Variants in IQCM observed in about 807,000 individuals in gnomAD.
IQCM encodes the protein IQ motif containing M.
IQCM carries 45 observed loss-of-function variants against 57.6 expected under a neutral mutation model. The ratio of observed to expected loss-of-function variants is 0.78; its 90% CI spans 0.62 to 1.00. The LOEUF (loss-of-function observed/expected upper bound fraction) is 1.00. IQCM is among the 50% of genes least tolerant of loss of function. The probability of loss-of-function intolerance (pLI) is 0.00; values close to 1 mark genes in which losing one functional copy is unlikely to be tolerated. For synonymous variants in IQCM, 148 were observed against 158.9 expected, an observed-to-expected ratio of 0.93 and a Z score of 0.51; for missense variants, 468 against 511.6, an observed-to-expected ratio of 0.91 and a Z score of 0.82.
At chr4:149,779,227 T>C (rs1239270529) in intron 2 of IQCM, among the ~76,000 whole-genome samples, 1 of 152,166 alleles carries the variant, frequency 6.6e-6, no homozygotes, top group Non-Finnish European at 1.5e-5. Flanking sequence ...ACAATTCCTA[T>C]ACAAATCCTA....
chr4:149,661,717 A>G (rs1387424583), intron 7 of IQCM, among the ~76,000 whole-genome samples: 2 of 152,036 alleles, frequency 1.3e-5, no homozygotes, highest in Non-Finnish European at 2.9e-5. Context: ...TGTTTCTTCT[A>G]TATTATCAAA....
intron 2 of IQCM, among the ~76,000 whole-genome samples, chr4:149,798,628 G>A (rs1164090482): frequency 6.6e-6 from 1 of 151,896 alleles, no homozygotes; most frequent in Non-Finnish European, 1.5e-5. Flanking sequence ...AACACACATA[G>A]ACTGAAAATA....
intron 13 of IQCM, among the ~76,000 whole-genome samples, chr4:149,417,923 A>T (rs114629048): frequency 6.6e-6 from 1 of 151,704 alleles, no homozygotes; most frequent in African/African-American, 2.4e-5. Flanking sequence ...ATGAATGATA[A>T]TTATCACCTA....
At chr4:149,653,132 A>G (rs1218162324) in intron 7 of IQCM, among the ~76,000 whole-genome samples, 1 of 152,174 alleles carries the variant, frequency 6.6e-6, no homozygotes, top group Admixed American at 6.5e-5. Flanking sequence ...CAAAATTTTG[A>G]GAGGGAAAAG....
intron 2 of IQCM, among the ~76,000 whole-genome samples, chr4:149,773,582 C>T (rs13109074): frequency 0.35 from 52,532 of 151,968 alleles, 11,501 homozygotes; most frequent in Non-Finnish European, 0.5. Context: ...ATTTAATCCA[C>T]ATTTCTCACA....
intron 5 of IQCM, among the ~76,000 whole-genome samples, chr4:149,713,997 A>G (rs540623574): frequency 1.3e-5 from 2 of 152,184 alleles, no homozygotes; most frequent in South Asian, 4.2e-4. Context: ...GTTCTTCATA[A>G]CTATTTGCAA....
intron 13 of IQCM, among the ~76,000 whole-genome samples, chr4:149,357,701 A>G (rs1181188159): frequency 6.6e-6 from 1 of 152,124 alleles, no homozygotes; most frequent in Non-Finnish European, 1.5e-5. Context: ...TTGGTCTTGA[A>G]TTCTCTTTTA....
intron 5 of IQCM, among the ~76,000 whole-genome samples, chr4:149,726,142 A>AGAGAG (rs10666255): frequency 1.5e-5 from 2 of 131,058 alleles, no homozygotes; most frequent in Non-Finnish European, 3.1e-5. Context: ...AAAGAAAGAA[A>AGAGAG]AGAAAGAAAG....
intron 12 of IQCM, among the ~76,000 whole-genome samples, chr4:149,450,793 C>A (rs1397030206): frequency 6.6e-6 from 1 of 151,806 alleles, no homozygotes; most frequent in African/African-American, 2.4e-5. Context: ...CTATGGAGAA[C>A]AAAGTAGAAG....
intron 9 of IQCM, among the ~76,000 whole-genome samples, chr4:149,564,900 C>A (rs548894901): frequency 6.6e-6 from 1 of 152,094 alleles, no homozygotes; most frequent in Non-Finnish European, 1.5e-5. Context: ...TTTGAGAAAA[C>A]TGAAGATTTA....
intron 13 of IQCM, among the ~76,000 whole-genome samples, chr4:149,375,333 T>C (rs1250026470): frequency 6.6e-6 from 1 of 152,064 alleles, no homozygotes; most frequent in Non-Finnish European, 1.5e-5. Context: ...ATTTCTGCTC[T>C]TGTCGTCTTT....
chr4:149,627,301 A>C (rs1756899913), intron 7 of IQCM, among the ~76,000 whole-genome samples: 1 of 152,220 alleles, frequency 6.6e-6, no homozygotes, highest in African/African-American at 2.4e-5. Flanking sequence ...AATTAGGCAG[A>C]GAACCAGGCA....
chr4:149,491,569 T>C (rs1742100063), intron 12 of IQCM, among the ~76,000 whole-genome samples: 1 of 152,096 alleles, frequency 6.6e-6, no homozygotes, highest in African/African-American at 2.4e-5. Context: ...TTCATCTATG[T>C]TTTTTGCAAA....
rs963772969 is a variant in IQCM, at chr4:149,733,325, G to C, written c.304C>G (p.Pro102Ala). ...ELSKSEHLQE[P>A]PQRISFKEPH... is the part of the protein sequence containing the mutation. ...TCCTTGAAGGAGATTCGTTGTGGGG[G>C]TTCCTGAAGATGCTCGCTTTTGGAA... The change falls in exon 5 of 14, where the codon CCC becomes GCC. Residue 102 changes from proline (P) to alanine (A), a missense_variant. Transcript: ENST00000636793. 1 of 1,231,366 alleles carries C rather than the reference G, an allele frequency of 8.1e-7. No individual in the cohort carries two copies. The highest frequency in any genetic ancestry group is 1.6e-5 in the African/African-American group (1 of 64,072). 76.3% of individuals were successfully genotyped at this position (1,231,366 alleles called of 1,614,324 possible).
intron 5 of IQCM, among the ~76,000 whole-genome samples, chr4:149,710,007 G>A (rs1280701942): frequency 1.3e-5 from 2 of 152,124 alleles, no homozygotes; most frequent in Non-Finnish European, 2.9e-5. Context: ...CTCTTTGAGA[G>A]TAACATTCTG....
At chr4:149,685,963 A>G (rs1217234821) in intron 6 of IQCM, among the ~76,000 whole-genome samples, 2 of 151,576 alleles carry the variant, frequency 1.3e-5, no homozygotes, top group Non-Finnish European at 3.0e-5. Flanking sequence ...AACCAGTGTC[A>G]CCTTCTGTTA....
At chr4:149,726,735 T>C (rs1269293694) in intron 5 of IQCM, among the ~76,000 whole-genome samples, 2 of 152,044 alleles carry the variant, frequency 1.3e-5, no homozygotes, top group African/African-American at 4.8e-5. Context: ...ATTTTGAAGA[T>C]TTAATATGAA....
chr4:149,570,755 T>G (rs1046855357), intron 9 of IQCM, among the ~76,000 whole-genome samples: 3 of 152,100 alleles, frequency 2.0e-5, no homozygotes, highest in Non-Finnish European at 4.4e-5. Context: ...CCATTCCTTA[T>G]TCCACATTTA....
intron 7 of IQCM, among the ~76,000 whole-genome samples, chr4:149,635,358 A>T (rs939053608): frequency 5.0e-4 from 76 of 152,190 alleles, no homozygotes; most frequent in African/African-American, 1.8e-3. Flanking sequence ...TATCTTCTCA[A>T]CTAGAATGTA....
Sources: allele counts gnomAD v4.1 joint callset (sites outside exome capture counted in the v4.1 genomes callset), GRCh38; gene constraint gnomAD v4.1.1; transcripts MANE v1.5; gene names NCBI Gene and HGNC (gene_info 2026-07-23, HGNC 2026-07-21).